GMCL1: variants seen among roughly 807,000 people sequenced by gnomAD.
The protein encoded by GMCL1 is germ cell-less 1, spermatogenesis associated, also known as germ cell-less protein-like 1.
In GMCL1, 54 loss-of-function variants were observed where a neutral mutation model predicts 75.5. That is an observed-to-expected ratio of 0.71 (90% CI 0.57 to 0.90). The LOEUF (loss-of-function observed/expected upper bound fraction) is 0.90. GMCL1 is among the 40% of genes least tolerant of loss of function. GMCL1 has a pLI of 0.00. For synonymous variants in GMCL1, 210 were observed against 209.6 expected, an observed-to-expected ratio of 1.00 and a Z score of -0.02; for missense variants, 537 against 622.7, an observed-to-expected ratio of 0.86 and a Z score of 1.47.
At chr2:69,857,490 CT>C (rs1265574446) in intron 9 of GMCL1, among the ~76,000 whole-genome samples, 2 of 152,206 alleles carry the variant, frequency 1.3e-5, no homozygotes, top group Non-Finnish European at 2.9e-5. Flanking sequence ...TTCTGCCACT[CT>C]GTTCCAACTT....
rs1674974138 is a variant in GMCL1, at chr2:69,841,156, T to C, written c.579+117T>C. The C allele has an allele frequency of 2.2e-5, 14 of 637,936 alleles. No homozygotes were observed. The East Asian group carries it at 3.9e-4, about 18-fold the overall frequency. The allele number at this position is 637,936 out of a possible 1,614,324, so 39.5% of individuals were successfully genotyped here. On this transcript the variant is annotated intron_variant, in intron 4 of 13. Transcript: ENST00000282570. ...TTGGAGTTTTTAAATAAAAATGAAA[T>C]GTATAAATATGACATTTATTATAAA...
In GMCL1 at chr2:69,829,733, A is replaced by AGG; in HGVS notation, c.-160_-159insGG. 1 of 762,550 alleles carries AGG rather than the reference A, an allele frequency of 1.3e-6. No homozygotes were observed. The highest frequency in any genetic ancestry group is 2.0e-6 in the Non-Finnish European group (1 of 499,808). The allele number at this position is 762,550 out of a possible 1,614,324, so 47.2% of individuals were successfully genotyped here. On this transcript the variant is annotated 5_prime_UTR_variant, in exon 1 of 14. Transcript: ENST00000282570. Reference sequence around the variant, plus strand: ...GCGCGACCGGACGCTGCGGGCGGGGAAGAGGATGGAGACTGTGGCGTCCGC... The same window carrying AGG: ...GCGCGACCGGACGCTGCGGGCGGGGAGGAGAGGATGGAGACTGTGGCGTCCGC...
rs965223058 is a variant in GMCL1, at chr2:69,881,316, A to G, written c.*2312A>G. On this transcript the variant is annotated 3_prime_UTR_variant, in exon 14 of 14. Coordinates refer to ENST00000282570, the MANE Select transcript of GMCL1 (RefSeq NM_178439.5). ...TTACCAAATATTTTTATGTGTTTCC[A>G]GAGTTCTTTTCAATAGAAATATTTT... 6.6e-6 allele frequency: 1 copy of G among 152,238 alleles called. No homozygotes were observed. Among genetic ancestry groups the G allele is most frequent in the Non-Finnish European group, 1.5e-5 (1 of 68,038 alleles). 9.4% of individuals were successfully genotyped at this position (152,238 alleles called of 1,614,324 possible). A position where few individuals can be genotyped will look rare whatever the true frequency, so the allele number is the denominator to read the frequency against.
chr2:69,839,298 T>G (rs1573343549), intron 2 of GMCL1, among the ~76,000 whole-genome samples, 159 bp from the exon 3 acceptor site: 2 of 152,268 alleles, frequency 1.3e-5, no homozygotes, highest in Admixed American at 6.5e-5. Context: ...TTAATTTCTT[T>G]TCTCCTGTGG....
chr2:69,851,934 A>G (rs886568312), intron 8 of GMCL1, among the ~76,000 whole-genome samples: 11 of 152,256 alleles, frequency 7.2e-5, no homozygotes, highest in Admixed American at 6.5e-4. Flanking sequence ...AAAAATGTGT[A>G]AAGAACCATA....
chr2:69,861,389 G>C (rs761684762), intron 10 of GMCL1, 42 bp downstream of exon 10: 26 of 1,343,532 alleles, frequency 1.9e-5, no homozygotes, highest in Non-Finnish European at 2.6e-5. Context: ...AAAAAAATTT[G>C]CTATGAATTT....
chr2:69,842,042 G>GT (rs1422098650), intron 4 of GMCL1, among the ~76,000 whole-genome samples: 1 of 152,212 alleles, frequency 6.6e-6, no homozygotes, highest in African/African-American at 2.4e-5. Context: ...ACGAAGTTAT[G>GT]TTTTAGAAAG....
intron 10 of GMCL1, among the ~76,000 whole-genome samples, chr2:69,864,590 C>CTTTTTTTTTTTTTTTTTT (rs534389389): frequency 2.3e-5 from 2 of 88,360 alleles, no homozygotes; most frequent in African/African-American, 4.2e-5. Context: ...TAGACTTTTA[C>CTTTTTTTTTTTTTTTTTT]TTTTTTTTTT....
chr2:69,866,932 G>T (rs1278851759), intron 11 of GMCL1, among the ~76,000 whole-genome samples: 1 of 150,652 alleles, frequency 6.6e-6, no homozygotes, highest in Non-Finnish European at 1.5e-5. Context: ...TGAGTTCACT[G>T]CCTTTCTTTT....
At chr2:69,835,346 T>C (rs1365930170) in intron 1 of GMCL1, among the ~76,000 whole-genome samples, 1 of 152,180 alleles carries the variant, frequency 6.6e-6, no homozygotes, top group African/African-American at 2.4e-5. Context: ...TATAATAATC[T>C]CAGATCTCTA....
intron 6 of GMCL1, chr2:69,845,078 GCAACATAGTGA>G (rs1372201380): frequency 6.4e-6 from 1 of 155,438 alleles, no homozygotes. Context: ...ATCATCCTGG[GCAACATAGTGA>G]CATCCCCTCT....
At chr2:69,868,236 T>TAAA (rs34189384) in intron 11 of GMCL1, among the ~76,000 whole-genome samples, 2 of 145,780 alleles carry the variant, frequency 1.4e-5, no homozygotes, top group East Asian at 2.0e-4. Flanking sequence ...CCTGTCTCTT[T>TAAA]AAAAAAAAAA....
At chr2:69,844,036 G>A in intron 5 of GMCL1, 95 bp from the exon 6 acceptor site, 1 of 546,452 alleles carries the variant, frequency 1.8e-6, no homozygotes, top group Non-Finnish European at 3.0e-6. Flanking sequence ...GCATGTTCTG[G>A]CAAGATTAAT....
In GMCL1 at chr2:69,837,677, A is replaced by AT. The variant is rs780275332; in HGVS notation, c.384+13dup. The AT allele has an allele frequency of 5.8e-5, 92 of 1,592,424 alleles. No individual in the cohort carries two copies. The highest frequency in any genetic ancestry group is 7.5e-5 in the Non-Finnish European group (88 of 1,174,072). On this transcript the variant is annotated splice_region_variant and intron_variant, in intron 2 of 13. Transcript: ENST00000282570. ...CAAAATATATTTATGTCAAGTAAGT[A>AT]TTTTTTCTATTTGAGTAACAGGGTA... is the stretch of plus-strand genomic sequence containing the variant.
chr2:69,851,381 G>T (rs1399627360), intron 8 of GMCL1, among the ~76,000 whole-genome samples: 1 of 152,190 alleles, frequency 6.6e-6, no homozygotes, highest in Non-Finnish European at 1.5e-5. Flanking sequence ...GGAGGCTGAG[G>T]TGGGCAGATC....
chr2:69,864,958 C>T lies in GMCL1; in HGVS notation c.1201C>T (p.Leu401Phe), dbSNP rs545860246. 1.2e-6 allele frequency: 2 copies of T among 1,612,922 alleles called. No individual in the cohort carries two copies. ...EGNSMRCGRK[L>F]AKDGEYCWRW... is the part of the protein sequence containing the mutation. ...AAACAGCATGAGGTGTGGTAGAAAG[C>T]TTGCCAAAGATGGTGAAGTAAGTAT... Residue 401 changes from leucine to phenylalanine, a missense_variant, in exon 11 of 14, where the codon CTT becomes TTT. By Grantham distance (22) the Leu-to-Phe change is conservative. Around this residue, in one of 3 missense-constraint regions of GMCL1, gnomAD observed 345 missense variants for 410.5 expected, o/e 0.84. Coordinates refer to ENST00000282570, the MANE Select transcript of GMCL1 (RefSeq NM_178439.5).
rs1675939328 is a variant in GMCL1 at position 69,869,919 on chromosome 2, A to G, written c.1364+55A>G. Reference sequence around the variant, plus strand: ...CCTCACTCCAGAGAAAATATAAGAAATAAAACCTTGATAATTTACACCAAC... The same window carrying G: ...CCTCACTCCAGAGAAAATATAAGAAGTAAAACCTTGATAATTTACACCAAC... On this transcript the variant is annotated intron_variant, in intron 12 of 13. Transcript: ENST00000282570. 3.2e-6 allele frequency: 5 copies of G among 1,551,730 alleles called. No homozygotes were observed. In the South Asian group the frequency reaches 5.9e-5, roughly 18 times the overall value.
chr2:69,867,150 T>C (rs1428171785), intron 11 of GMCL1, among the ~76,000 whole-genome samples: 1 of 152,002 alleles, frequency 6.6e-6, no homozygotes, highest in Non-Finnish European at 1.5e-5. Context: ...CTCACTATGT[T>C]GCCCAGGCTG....
chr2:69,862,512 C>G (rs1427862358), intron 10 of GMCL1, among the ~76,000 whole-genome samples: 5 of 152,134 alleles, frequency 3.3e-5, no homozygotes, highest in South Asian at 4.1e-4. Context: ...GTAATCCCAG[C>G]ACTTTGGGAG....
Sources: allele counts gnomAD v4.1 joint callset (sites outside exome capture counted in the v4.1 genomes callset), GRCh38; gene constraint gnomAD v4.1.1; regional missense constraint gnomAD v4.1.1; transcripts MANE v1.5; gene names NCBI Gene and HGNC (gene_info 2026-07-23, HGNC 2026-07-21).